SPMIP7: variants seen among roughly 807,000 people sequenced by gnomAD.
The protein encoded by SPMIP7 is sperm microtubule inner protein 7.
At chr7:50,158,432 T>C in the SPMIP7 span, among the ~76,000 whole-genome samples, 1 of 150,398 alleles carries the variant, frequency 6.6e-6, no homozygotes, top group Admixed American at 6.6e-5. Context: ...TCTTTGCCTC[T>C]GGGTGAGGCC....
chr7:50,107,065 C>T, the SPMIP7 span, among the ~76,000 whole-genome samples: 1 of 152,086 alleles, frequency 6.6e-6, no homozygotes, highest in African/African-American at 2.4e-5. Context: ...GGCAAAACCC[C>T]ATCTCTATTA....
the SPMIP7 span, among the ~76,000 whole-genome samples, chr7:50,143,159 ATTTTT>A: frequency 9.9e-3 from 1,120 of 113,584 alleles, 6 homozygotes; most frequent in African/African-American, 0.026. Flanking sequence ...AGTGAAAGCC[ATTTTT>A]TTTTTTTTTT....
At chr7:50,112,817 T>C in the SPMIP7 span, among the ~76,000 whole-genome samples, 1 of 151,952 alleles carries the variant, frequency 6.6e-6, no homozygotes, top group Non-Finnish European at 1.5e-5. Context: ...AGATTAGAGT[T>C]CTGGGAAGCC....
the SPMIP7 span, among the ~76,000 whole-genome samples, chr7:50,116,026 G>T: frequency 1.3e-5 from 2 of 152,072 alleles, no homozygotes; most frequent in African/African-American, 2.4e-5. Flanking sequence ...ACAAATTGGA[G>T]GTGACTAAAC....
the SPMIP7 span, among the ~76,000 whole-genome samples, chr7:50,112,098 T>C: frequency 6.6e-6 from 1 of 151,988 alleles, no homozygotes; most frequent in Non-Finnish European, 1.5e-5. Flanking sequence ...AAAATTATCT[T>C]GGAATAATAA....
chr7:50,106,961 G>A, the SPMIP7 span, among the ~76,000 whole-genome samples: 1 of 151,618 alleles, frequency 6.6e-6, no homozygotes, highest in South Asian at 2.1e-4. Flanking sequence ...ATTAGGCCAG[G>A]CACGGTGGCT....
At chr7:50,125,361 T>TACATATATAC in the SPMIP7 span, among the ~76,000 whole-genome samples, 3 of 133,620 alleles carry the variant, frequency 2.2e-5, no homozygotes, top group Admixed American at 8.1e-5. Context: ...CACATATATA[T>TACATATATAC]ACACATATAT....
At chr7:50,128,037 G>A in the SPMIP7 span, among the ~76,000 whole-genome samples, 94 of 151,992 alleles carry the variant, frequency 6.2e-4, no homozygotes, top group African/African-American at 2.0e-3. Flanking sequence ...AGCCCTATTC[G>A]CATTAGGCAA....
the SPMIP7 span, among the ~76,000 whole-genome samples, chr7:50,134,964 C>T: frequency 8.5e-5 from 13 of 152,152 alleles, no homozygotes; most frequent in Non-Finnish European, 1.8e-4. Context: ...TTAGCTTCAT[C>T]CCTGCCCCGT....
At chr7:50,114,564 A>G in the SPMIP7 span, among the ~76,000 whole-genome samples, 547 of 152,234 alleles carry the variant, frequency 3.6e-3, 2 homozygotes, top group Middle Eastern at 0.014. Context: ...AGATAAAATG[A>G]AATTTTAAAA....
chr7:50,120,279 T>G, the SPMIP7 span: 1 of 152,212 alleles, frequency 6.6e-6, no homozygotes, highest in East Asian at 1.9e-4. Flanking sequence ...ATGCTCACTC[T>G]TGTTGGTAGA....
chr7:50,098,821 G>A, the SPMIP7 span, among the ~76,000 whole-genome samples: 3 of 100,182 alleles, frequency 3.0e-5, no homozygotes, highest in African/African-American at 1.2e-4. Context: ...TGGGAGTTAG[G>A]CTTCAACACA....
the SPMIP7 span, chr7:50,096,636 G>A: frequency 1.3e-6 from 2 of 1,530,080 alleles, no homozygotes; most frequent in South Asian, 1.2e-5. Flanking sequence ...GCAAGACTTG[G>A]AGGTAAATGA....
the SPMIP7 span, among the ~76,000 whole-genome samples, chr7:50,105,725 G>A: frequency 7.2e-5 from 11 of 152,102 alleles, no homozygotes; most frequent in African/African-American, 2.7e-4. Flanking sequence ...TAGAAATAGT[G>A]GCAATTTTGC....
the SPMIP7 span, among the ~76,000 whole-genome samples, chr7:50,116,663 G>T: frequency 6.6e-6 from 1 of 152,108 alleles, no homozygotes; most frequent in Non-Finnish European, 1.5e-5. Context: ...AAAGTTTAGA[G>T]CTTCCTAAGT....
chr7:50,106,408 T>A, the SPMIP7 span, among the ~76,000 whole-genome samples: 2 of 152,188 alleles, frequency 1.3e-5, no homozygotes, highest in Admixed American at 6.5e-5. Context: ...TAAGGATAGG[T>A]CAATAGTAAA....
chr7:50,158,504 G>GGGGT, the SPMIP7 span, among the ~76,000 whole-genome samples: 1 of 150,194 alleles, frequency 6.7e-6, no homozygotes, highest in Non-Finnish European at 1.5e-5. Flanking sequence ...TCTTCTGCTG[G>GGGGT]CCTCTGGGTG....
At chr7:50,100,951 G>C in the SPMIP7 span, among the ~76,000 whole-genome samples, 1 of 151,810 alleles carries the variant, frequency 6.6e-6, no homozygotes, top group East Asian at 1.9e-4. Flanking sequence ...CTATATATCT[G>C]TTTATTTTCC....
chr7:50,120,774 T>C, the SPMIP7 span, among the ~76,000 whole-genome samples: 1 of 152,210 alleles, frequency 6.6e-6, no homozygotes. Flanking sequence ...ATGATTGATA[T>C]TACCAGGCTA....
Sources: gnomAD v4.1 joint callset for allele counts (sites outside exome capture counted in the v4.1 genomes callset) on GRCh38, gnomAD v4.1.1 for gene constraint, MANE v1.5 for transcripts, NCBI Gene and HGNC (gene_info 2026-07-23, HGNC 2026-07-21) for gene names.